The following FEV variants were observed in gnomAD, a reference collection of about 807,000 sequenced individuals.
FEV encodes the protein protein FEV.
Under a neutral mutation model 20.5 loss-of-function variants are expected in FEV, and 14 were observed. The ratio of observed to expected loss-of-function variants is 0.68; its 90% CI spans 0.45 to 1.07. The LOEUF (loss-of-function observed/expected upper bound fraction) is 1.07, where lower values mean the gene tolerates loss of function less well. Ranked by LOEUF, FEV falls within the 50% of genes least tolerant of loss-of-function variation. The probability of loss-of-function intolerance (pLI) is 0.00; values close to 1 mark genes in which losing one functional copy is unlikely to be tolerated. For missense variants in FEV, 301 were observed against 345.3 expected (o/e 0.87, Z 1.02); for synonymous variants, 188 against 163.7 (o/e 1.15, Z -1.13).
Position 218,985,042 on chromosome 2 carries a change from T to A in FEV, c.34A>T (p.Ile12Phe). Residue 12 changes from isoleucine to phenylalanine, a missense_variant, in exon 1 of 3, where the codon ATC becomes TTC. Coordinates refer to ENST00000295727, the MANE Select transcript of FEV (RefSeq NM_017521.3). ...CTGGTACCTGGCAGGTACATGTTGATCAGCAGGGGCTGGGAGGCGCCGCTC... is the reference window on the plus strand; with the variant it reads ...CTGGTACCTGGCAGGTACATGTTGAACAGCAGGGGCTGGGAGGCGCCGCTC... ...RQSGASQPLL[I>F]NMYLPDPVGD... is the part of the protein sequence containing the mutation. 1 of 1,559,944 alleles carries A rather than the reference T, an allele frequency of 6.4e-7. No individual in the cohort carries two copies. Among genetic ancestry groups the A allele is most frequent in the Non-Finnish European group, 8.7e-7 (1 of 1,152,164 alleles).
chr2:218,985,018 T>G lies in FEV; in HGVS notation c.52+6A>C, dbSNP rs1236655952. On this transcript the variant is annotated splice_donor_region_variant and intron_variant, in intron 1 of 2. Transcript: ENST00000295727. ...GTGCCACCAGCCTCCGGCTGGTCCC[T>G]GGTACCTGGCAGGTACATGTTGATC... The G allele has an allele frequency of 2.1e-5, 32 of 1,553,934 alleles. No individual in the cohort carries two copies. The highest frequency in any genetic ancestry group is 1.7e-4 in the Middle Eastern group (1 of 6,018).
At chr2:218,983,939 G>A (rs1945414148) in intron 2 of FEV, among the ~76,000 whole-genome samples, 1 of 152,216 alleles carries the variant, frequency 6.6e-6, no homozygotes, top group Admixed American at 6.5e-5. Flanking sequence ...GCAGGGAAAG[G>A]ACGCTAAGTG....
Position 218,981,803 on chromosome 2 carries a change from T to A in FEV, c.581A>T (p.Tyr194Phe), listed in dbSNP as rs1227929310. ...SAGVAPAGFSYWPGPGPAATA... is the reference protein window; with the variant it reads ...SAGVAPAGFSFWPGPGPAATA... ...GGCGGCGGGGCCCGGGCCCGGCCAG[T>A]AGGAGAAGCCGGCGGGCGCGACCCC... Residue 194 changes from tyrosine (Y) to phenylalanine (F), a missense_variant, in exon 3 of 3, where the codon TAC becomes TTC. Transcript: ENST00000295727. The surrounding 1 kb of genome is among the most constrained non-coding windows in gnomAD (Gnocchi z 4.5). 2 of 1,246,720 alleles carry A rather than the reference T, an allele frequency of 1.6e-6. No homozygotes were observed. The highest frequency in any genetic ancestry group is 2.0e-6 in the Non-Finnish European group (2 of 1,001,554). The allele number at this position is 1,246,720 out of a possible 1,614,324, so 77.2% of individuals were successfully genotyped here.
At chr2:218,982,323 C>A in intron 2 of FEV, 67 bp from the exon 3 acceptor site, 2 of 1,404,640 alleles carry the variant, frequency 1.4e-6, no homozygotes, top group Admixed American at 4.3e-5. Context: ...AGAGTGCTGG[C>A]GGGAAACTGA....
At chr2:218,983,525 G>A (rs1250991675) in intron 2 of FEV, among the ~76,000 whole-genome samples, 1 of 152,180 alleles carries the variant, frequency 6.6e-6, no homozygotes, top group Non-Finnish European at 1.5e-5. Context: ...AGGTGCACCT[G>A]GCACCAAAGG....
Position 218,981,619 on chromosome 2 carries a change from C to A in FEV, c.*48G>T. On this transcript the variant is annotated 3_prime_UTR_variant, in exon 3 of 3. Coordinates refer to ENST00000295727, the MANE Select transcript of FEV (RefSeq NM_017521.3). The surrounding 1 kb of genome is among the most constrained non-coding windows in gnomAD (Gnocchi z 4.5). ...TCCCCGGGATGCCGATGGGATCGGG[C>A]GAGACTCTAGGCGTGCGGGCGAGGC... 1 of 1,255,092 alleles carries A rather than the reference C, an allele frequency of 8.0e-7. No homozygotes were observed. Among genetic ancestry groups the A allele is most frequent in the African/African-American group, 1.6e-5 (1 of 64,446 alleles). 77.7% of individuals were successfully genotyped at this position (1,255,092 alleles called of 1,614,324 possible).
At position 218,984,886 on chromosome 2, in the gene FEV, T is replaced by TA. The variant is rs747553837; in HGVS notation, c.52+137_52+138insT. 27 of 786,108 alleles carry TA rather than the reference T, an allele frequency of 3.4e-5. No homozygotes were observed. Among genetic ancestry groups the TA allele is most frequent in the Non-Finnish European group, 5.7e-5 (26 of 459,654 alleles). The allele number at this position is 786,108 out of a possible 1,614,324, so 48.7% of individuals were successfully genotyped here. On this transcript the variant is annotated intron_variant, in intron 1 of 2. Transcript: ENST00000295727. The surrounding 1 kb of genome is among the most constrained non-coding windows in gnomAD (Gnocchi z 5.0). The stretch of plus-strand genomic sequence containing the variant: ...CTTTAGGTCTCCCCAGTGCCCTACA[T>TA]TACAATCGGCCCTCCATGCAACCCG...
rs1352926400 is a variant in FEV, at chr2:218,984,414, G to T, written c.53-109C>A. On this transcript the variant is annotated intron_variant, in intron 1 of 2. Coordinates refer to ENST00000295727, the MANE Select transcript of FEV (RefSeq NM_017521.3). The surrounding 1 kb of genome is among the most constrained non-coding windows in gnomAD (Gnocchi z 5.0). ...GGGGGGTGCTGTGGTCCCCAGGCGC[G>T]AGGCTGGGGGCCCGGGCCACCCGGC... The T allele has an allele frequency of 1.8e-6, 2 of 1,098,880 alleles. No homozygotes were observed. The highest frequency in any genetic ancestry group is 2.5e-6 in the Non-Finnish European group (2 of 790,742). The allele number at this position is 1,098,880 out of a possible 1,614,324, so 68.1% of individuals were successfully genotyped here.
In FEV at chr2:218,982,144, C is replaced by G. The variant is rs1355042200; in HGVS notation, c.240G>C (p.Pro80=). The G allele has an allele frequency of 1.9e-6, 3 of 1,613,352 alleles. No homozygotes were observed. In the Admixed American group the frequency reaches 5.0e-5, roughly 27 times the overall value. The change falls in exon 3 of 3, where the codon CCG becomes CCC. Residue 80 remains proline (P), a synonymous_variant. Coordinates refer to ENST00000295727, the MANE Select transcript of FEV (RefSeq NM_017521.3). ...CGCCCCACCGCCGCGCCACCTCGTC[C>G]GGGTCCGTGAGCTTGAACTCGCCGT... ...GGHGEFKLTD[P]DEVARRWGER...
chr2:218,984,567 G>C lies in FEV; in HGVS notation c.53-262C>G, dbSNP rs1945421233. The C allele has an allele frequency of 7.1e-6, 3 of 421,580 alleles. No individual in the cohort carries two copies. The South Asian group carries it at 1.6e-4, about 23-fold the overall frequency. The allele number at this position is 421,580 out of a possible 1,614,324, so 26.1% of individuals were successfully genotyped here. On this transcript the variant is annotated intron_variant, in intron 1 of 2. Transcript: ENST00000295727. The surrounding 1 kb of genome is among the most constrained non-coding windows in gnomAD (Gnocchi z 5.0). ...GCCGGCTGGAGCCTTATAAAGCCGA[G>C]CGGGGAACTGCGCCAGCCGAGCTGG...
Position 218,983,356 on chromosome 2 carries a change from C to T in FEV, c.127+875G>A, listed in dbSNP as rs1029204093. Among the ~76,000 whole-genome samples the T allele has an allele frequency of 2.6e-5, 4 of 152,216 alleles. No homozygotes were observed. The East Asian group carries it at 5.8e-4, about 22-fold the overall frequency. On this transcript the variant is annotated intron_variant, in intron 2 of 2. Coordinates refer to ENST00000295727, the MANE Select transcript of FEV (RefSeq NM_017521.3). ...ACTGCCTCAAATATAGTCTTTTGAA[C>T]CCCTCTTACTTTTTCAGCCACTGGC...
chr2:218,982,217 A>G lies in FEV; in HGVS notation c.167T>C (p.Leu56Pro). ...GCCGGCGTTCGCGCGGTCAGCCAGC[A>G]GCTCCAGCAGAAACTGCCACAGCTG... is the stretch of plus-strand genomic sequence containing the variant. ...QIQLWQFLLE[L>P]LADRANAGCI... The change falls in exon 3 of 3, where the codon CTG (leucine) becomes CCG (proline). Residue 56 changes from leucine to proline, a missense_variant. Physicochemically the swap from Leu to Pro is moderately conservative, Grantham distance 98. Transcript: ENST00000295727. The G allele has an allele frequency of 6.2e-7, 1 of 1,606,078 alleles. No individual in the cohort carries two copies. Among genetic ancestry groups the G allele is most frequent in the Non-Finnish European group, 8.5e-7 (1 of 1,177,188 alleles).
chr2:218,985,008 G>C lies in FEV; in HGVS notation c.52+16C>G. ...CCAGGTTCCGGTGCCACCAGCCTCC[G>C]GCTGGTCCCTGGTACCTGGCAGGTA... On this transcript the variant is annotated intron_variant, in intron 1 of 2. Coordinates refer to ENST00000295727, the MANE Select transcript of FEV (RefSeq NM_017521.3). 1 of 1,551,842 alleles carries C rather than the reference G, an allele frequency of 6.4e-7. No homozygotes were observed. The highest frequency in any genetic ancestry group is 8.7e-7 in the Non-Finnish European group (1 of 1,147,242).
At position 218,981,995 on chromosome 2, in the gene FEV, C is replaced by G; in HGVS notation, c.389G>C (p.Gly130Ala). ...CGGCGGCTGGCAGGCCTGCGCCAGGCCCTGGAAGTCGAAGCGGTAGGCGTA... is the reference window on the plus strand; with the variant it reads ...CGGCGGCTGGCAGGCCTGCGCCAGGGCCTGGAAGTCGAAGCGGTAGGCGTA... ...KRYAYRFDFQ[G>A]LAQACQPPPA... Residue 130 changes from glycine (G) to alanine (A), a missense_variant, in exon 3 of 3, where the codon GGC (glycine) becomes GCC (alanine). Physicochemically the swap from Gly to Ala is moderately conservative, Grantham distance 60 (BLOSUM62 0). Transcript: ENST00000295727. This position sits in a 1 kb window ranked among gnomAD's most constrained non-coding sequence, Gnocchi z 4.5. 1 of 1,610,474 alleles carries G rather than the reference C, an allele frequency of 6.2e-7. No homozygotes were observed. Among genetic ancestry groups the G allele is most frequent in the Non-Finnish European group, 8.5e-7 (1 of 1,178,792 alleles).
At position 218,983,907 on chromosome 2, in the gene FEV, C is replaced by T. The variant is rs560734008; in HGVS notation, c.127+324G>A. 1.1e-4 allele frequency among the ~76,000 whole-genome samples: 17 copies of T among 152,286 alleles called. 1 individual carries two copies. Among genetic ancestry groups the T allele is most frequent in the South Asian group, 1.0e-3 (5 of 4,826 alleles). On this transcript the variant is annotated intron_variant, in intron 2 of 2. Coordinates refer to ENST00000295727, the MANE Select transcript of FEV (RefSeq NM_017521.3). The stretch of plus-strand genomic sequence containing the variant: ...CCGGTTCCATTGCCGGCTGGTGCTG[C>T]GGCCTTGAGCTCCTACTACCAGCAG...
Position 218,981,941 on chromosome 2 carries a change from G to T in FEV, c.443C>A (p.Ala148Asp). The change falls in exon 3 of 3, where the codon GCT (alanine) becomes GAT (aspartate). Residue 148 changes from alanine to aspartate, a missense_variant. Transcript: ENST00000295727. The surrounding 1 kb of genome is among the most constrained non-coding windows in gnomAD (Gnocchi z 4.5). ...PPAHAHAAAAAAAAAAAAQDG... is the reference protein window; with the variant it reads ...PPAHAHAAAADAAAAAAAQDG... Reference sequence around the variant, plus strand: ...CTGGGCGGCCGCGGCGGCGGCAGCAGCTGCGGCGGCGGCATGAGCGTGCGC... The same window carrying T: ...CTGGGCGGCCGCGGCGGCGGCAGCATCTGCGGCGGCGGCATGAGCGTGCGC... 7.0e-7 allele frequency: 1 copy of T among 1,421,880 alleles called. No individual in the cohort carries two copies. Among genetic ancestry groups the T allele is most frequent in the Non-Finnish European group, 9.2e-7 (1 of 1,092,538 alleles). The allele number at this position is 1,421,880 out of a possible 1,614,324, so 88.1% of individuals were successfully genotyped here. A position where few individuals can be genotyped will look rare whatever the true frequency, so the allele number is the denominator to read the frequency against.
At position 218,984,205 on chromosome 2, in the gene FEV, G is replaced by C; in HGVS notation, c.127+26C>G. On this transcript the variant is annotated intron_variant, in intron 2 of 2. Transcript: ENST00000295727. The surrounding 1 kb of genome is among the most constrained non-coding windows in gnomAD (Gnocchi z 5.0). ...CCTGACCCCAACCAACCTCGCCTCC[G>C]CCGCCCAGCGCGCCGGCCATCTCAC... 6.4e-7 allele frequency: 1 copy of C among 1,567,762 alleles called. No individual in the cohort carries two copies. The highest frequency in any genetic ancestry group is 1.4e-5 in the African/African-American group (1 of 73,810).
At chr2:218,983,589 T>C (rs1007917128) in intron 2 of FEV, among the ~76,000 whole-genome samples, 1 of 152,190 alleles carries the variant, frequency 6.6e-6, no homozygotes, top group African/African-American at 2.4e-5. Context: ...AGTTTCCTTC[T>C]GGATAAAACA....
rs1945423487 is a variant in FEV at position 218,984,774 on chromosome 2, G to A, written c.52+250C>T. Among the ~76,000 whole-genome samples, 1 of 152,028 alleles carries A rather than the reference G, an allele frequency of 6.6e-6. No homozygotes were observed. The highest frequency in any genetic ancestry group is 6.5e-5 in the Admixed American group (1 of 15,274). On this transcript the variant is annotated intron_variant, in intron 1 of 2. Transcript: ENST00000295727. This position sits in a 1 kb window ranked among gnomAD's most constrained non-coding sequence, Gnocchi z 5.0. ...CCCTCTCAGGCTCCTTCGGGTCCCT[G>A]AGTCCCGGCTCTTGGCCCCCAGGCT...
Sources: allele counts gnomAD v4.1 joint callset (sites outside exome capture counted in the v4.1 genomes callset), GRCh38; gene constraint gnomAD v4.1.1; non-coding constraint Gnocchi (gnomAD v3.1); transcripts MANE v1.5; gene names NCBI Gene and HGNC (gene_info 2026-07-23, HGNC 2026-07-21).